Variants in OR2A5 observed in about 807,000 individuals in gnomAD.
OR2A5 encodes olfactory receptor 2A5.
In OR2A5, 2 loss-of-function variants were observed where a neutral mutation model predicts 1.9. The observed-to-expected ratio is 1.04, with a 90% confidence interval of 0.43 to 3.28. OR2A5 has a LOEUF of 3.28. OR2A5 is among the 30% of genes most tolerant of loss of function. OR2A5 has a pLI of 0.08. For missense variants in OR2A5, 391 were observed against 375.9 expected (o/e 1.04, Z -0.33); for synonymous variants, 160 against 154.5 (o/e 1.04, Z -0.26).
At chr7:144,049,502 G>A (rs55979718) in intron 1 of OR2A5, among the ~76,000 whole-genome samples, 36,498 of 152,032 alleles carry the variant, frequency 0.24, 5,434 homozygotes, top group East Asian at 0.67. Context: ...CCTTTCATTC[G>A]TCCATCCATC....
rs2128797674 is a variant in OR2A5 at position 144,054,466 on chromosome 7, C to T, written c.*3129C>T. ...TAAACAACTATAAAACTACAAAATCCAATTTTATTTTAATGATTCATAAAT... is the reference window on the plus strand; with the variant it reads ...TAAACAACTATAAAACTACAAAATCTAATTTTATTTTAATGATTCATAAAT... On this transcript the variant is annotated 3_prime_UTR_variant, in exon 2 of 2. Transcript: ENST00000641693. 6.6e-6 allele frequency: 1 copy of T among 152,198 alleles called. No homozygotes were observed. The highest frequency in any genetic ancestry group is 2.1e-4 in the South Asian group (1 of 4,820). The allele number at this position is 152,198 out of a possible 1,614,324, so 9.4% of individuals were successfully genotyped here.
Position 144,051,020 on chromosome 7 carries a change from C to T in OR2A5, c.619C>T (p.Leu207=), listed in dbSNP as rs773339998. ...CATCTTTGCTGCTTCAGTGTTCATC[C>T]TGGTGGGGCCGCTCTGCCTGGTGCT... The part of the protein sequence containing the change: ...VVIFAASVFI[L]VGPLCLVLVS... Residue 207 remains leucine (L), a synonymous_variant, in exon 2 of 2, where the codon CTG becomes TTG. Coordinates refer to ENST00000641693, the MANE Select transcript of OR2A5 (RefSeq NM_012365.2). 2 of 1,614,236 alleles carry T rather than the reference C, an allele frequency of 1.2e-6. No homozygotes were observed. Among genetic ancestry groups the T allele is most frequent in the Non-Finnish European group, 1.7e-6 (2 of 1,180,040 alleles).
Position 144,051,184 on chromosome 7 carries a change from C to T in OR2A5, c.783C>T (p.Ala261=). The T allele has an allele frequency of 6.2e-7, 1 of 1,614,184 alleles. No homozygotes were observed. The highest frequency in any genetic ancestry group is 1.6e-4 in the Middle Eastern group (1 of 6,062). The change falls in exon 2 of 2, where the codon GCC becomes GCT. Residue 261 remains alanine (A), a synonymous_variant. Transcript: ENST00000641693. Reference sequence around the variant, plus strand: ...GCAGCGCCATTGTCATGTACATGGCCCCCAAGTCCCGCCACCCTGAGGAGC... The same window carrying T: ...GCAGCGCCATTGTCATGTACATGGCTCCCAAGTCCCGCCACCCTGAGGAGC... ...FFGSAIVMYM[A]PKSRHPEEQQ... is the part of the protein sequence containing the mutation.
chr7:144,056,640 A>G lies in OR2A5; in HGVS notation c.*5303A>G, dbSNP rs553406419. 1.3e-5 allele frequency: 2 copies of G among 152,342 alleles called. No individual in the cohort carries two copies. Among genetic ancestry groups the G allele is most frequent in the East Asian group, 3.9e-4 (2 of 5,186 alleles). 9.4% of individuals were successfully genotyped at this position (152,342 alleles called of 1,614,324 possible). A position where few individuals can be genotyped will look rare whatever the true frequency, so the allele number is the denominator to read the frequency against. On this transcript the variant is annotated 3_prime_UTR_variant, in exon 2 of 2. Coordinates refer to ENST00000641693, the MANE Select transcript of OR2A5 (RefSeq NM_012365.2). ...GTTCAGGAATGAACAATTGATAAAT[A>G]TTTATGTTTATGTTTAAATGCATAA...
In OR2A5 at chr7:144,050,996, A is replaced by T. The variant is rs1276086265; in HGVS notation, c.595A>T (p.Ile199Phe). The T allele has an allele frequency of 6.2e-7, 1 of 1,614,170 alleles. No homozygotes were observed. Among genetic ancestry groups the T allele is most frequent in the Non-Finnish European group, 8.5e-7 (1 of 1,180,022 alleles). Residue 199 changes from isoleucine to phenylalanine, a missense_variant, in exon 2 of 2, where the codon ATC (isoleucine) becomes TTC (phenylalanine). Ile to Phe is a conservative substitution (Grantham distance 21). Transcript: ENST00000641693. ...TGACACCTGGCTCAACCAGGTGGTCATCTTTGCTGCTTCAGTGTTCATCCT... is the reference window on the plus strand; with the variant it reads ...TGACACCTGGCTCAACCAGGTGGTCTTCTTTGCTGCTTCAGTGTTCATCCT... The part of the protein sequence containing the change: ...CADTWLNQVV[I>F]FAASVFILVG...
chr7:144,052,968 T>C lies in OR2A5; in HGVS notation c.*1631T>C, dbSNP rs1168934807. 2 of 152,148 alleles carry C rather than the reference T, an allele frequency of 1.3e-5. No individual in the cohort carries two copies. The highest frequency in any genetic ancestry group is 4.8e-5 in the African/African-American group (2 of 41,430). The allele number at this position is 152,148 out of a possible 1,614,324, so 9.4% of individuals were successfully genotyped here. A position where few individuals can be genotyped will look rare whatever the true frequency, so the allele number is the denominator to read the frequency against. On this transcript the variant is annotated 3_prime_UTR_variant, in exon 2 of 2. Coordinates refer to ENST00000641693, the MANE Select transcript of OR2A5 (RefSeq NM_012365.2). ...CATTCCCTAAAATATGTATACTTCATGTTCTGCTTAAAACCTTTAAAAGAA... is the reference window on the plus strand; with the variant it reads ...CATTCCCTAAAATATGTATACTTCACGTTCTGCTTAAAACCTTTAAAAGAA...
chr7:144,055,022 A>G lies in OR2A5; in HGVS notation c.*3685A>G, dbSNP rs2050929089. On this transcript the variant is annotated 3_prime_UTR_variant, in exon 2 of 2. Coordinates refer to ENST00000641693, the MANE Select transcript of OR2A5 (RefSeq NM_012365.2). ...ATACTAATCATATTAGGAAAGAAAT[A>G]TATAGATGAGCAAATAAATGAGTGC... The G allele has an allele frequency of 6.6e-6, 1 of 152,216 alleles. No individual in the cohort carries two copies. The highest frequency in any genetic ancestry group is 2.4e-5 in the African/African-American group (1 of 41,448). 9.4% of individuals were successfully genotyped at this position (152,216 alleles called of 1,614,324 possible). A position where few individuals can be genotyped will look rare whatever the true frequency, so the allele number is the denominator to read the frequency against.
In OR2A5 at chr7:144,055,914, A is replaced by T. The variant is rs759491739; in HGVS notation, c.*4577A>T. 6.5e-6 allele frequency: 1 copy of T among 152,766 alleles called. No homozygotes were observed. The highest frequency in any genetic ancestry group is 1.5e-5 in the Non-Finnish European group (1 of 68,548). The allele number at this position is 152,766 out of a possible 1,614,324, so 9.5% of individuals were successfully genotyped here. A position where few individuals can be genotyped will look rare whatever the true frequency, so the allele number is the denominator to read the frequency against. On this transcript the variant is annotated 3_prime_UTR_variant, in exon 2 of 2. Transcript: ENST00000641693. ...CCCATCTTTGAAAAAACAAACAAAC[A>T]AACAAACAAAAAACCCCACAGAGCA...
rs772798323 is a variant in OR2A5 at position 144,050,876 on chromosome 7, CATGTG to C, written c.476_480del (p.His159ArgfsTer13). 3.1e-6 allele frequency: 5 copies of C among 1,614,144 alleles called. No individual in the cohort carries two copies. Among genetic ancestry groups the C allele is most frequent in the Non-Finnish European group, 4.2e-6 (5 of 1,180,018 alleles). On this transcript the variant is annotated frameshift_variant, in exon 2 of 2. Coordinates refer to ENST00000641693, the MANE Select transcript of OR2A5 (RefSeq NM_012365.2). LOFTEE classifies it high-confidence loss of function. ...ATGTGGTTCCCTTCTGGCCCTGGTC[CATGTG>C]GTTCTCATCCTGAGGCTGCCCTTCT...
rs1019843696 is a variant in OR2A5, at chr7:144,055,222, G to A, written c.*3885G>A. 1 of 151,938 alleles carries A rather than the reference G, an allele frequency of 6.6e-6. No homozygotes were observed. The highest frequency in any genetic ancestry group is 2.4e-5 in the African/African-American group (1 of 41,380). 9.4% of individuals were successfully genotyped at this position (151,938 alleles called of 1,614,324 possible). ...AAAATACCCTAGAATCAAAAAGTAG[G>A]TTTACATAAAAGTGGAATTAACATC... On this transcript the variant is annotated 3_prime_UTR_variant, in exon 2 of 2. Coordinates refer to ENST00000641693, the MANE Select transcript of OR2A5 (RefSeq NM_012365.2).
rs886248049 is a variant in OR2A5, at chr7:144,055,090, C to A, written c.*3753C>A. 1.3e-5 allele frequency: 2 copies of A among 151,758 alleles called. No individual in the cohort carries two copies. The highest frequency in any genetic ancestry group is 4.8e-5 in the African/African-American group (2 of 41,276). The allele number at this position is 151,758 out of a possible 1,614,324, so 9.4% of individuals were successfully genotyped here. ...TTGAAATGACTGTGTTTCCATAGCC[C>A]GGAAAAAAGGAGGAATAAAGCAAAC... On this transcript the variant is annotated 3_prime_UTR_variant, in exon 2 of 2. Transcript: ENST00000641693.
In OR2A5 at chr7:144,058,471, T is replaced by C. The variant is rs2050957779; in HGVS notation, c.*7134T>C. 6.6e-6 allele frequency: 1 copy of C among 152,372 alleles called. No individual in the cohort carries two copies. The highest frequency in any genetic ancestry group is 2.4e-5 in the African/African-American group (1 of 41,450). The allele number at this position is 152,372 out of a possible 1,614,324, so 9.4% of individuals were successfully genotyped here. On this transcript the variant is annotated 3_prime_UTR_variant, in exon 2 of 2. Coordinates refer to ENST00000641693, the MANE Select transcript of OR2A5 (RefSeq NM_012365.2). ...GGGCAATTTATTTTTAAAACAGGGT[T>C]TAGTTGACTCACAGTTCAGCATGGC...
chr7:144,050,270 T>G, intron 1 of OR2A5, 81 bp from the exon 2 acceptor site: 1 of 585,628 alleles, frequency 1.7e-6, no homozygotes, highest in Non-Finnish European at 3.0e-6. Flanking sequence ...AAAACCTTGC[T>G]GACTGAGTCA....
rs1563028254 is a variant in OR2A5, at chr7:144,055,102, G to C, written c.*3765G>C. The C allele has an allele frequency of 6.6e-6, 1 of 152,084 alleles. No homozygotes were observed. The highest frequency in any genetic ancestry group is 6.5e-5 in the Admixed American group (1 of 15,272). 9.4% of individuals were successfully genotyped at this position (152,084 alleles called of 1,614,324 possible). ...TGTTTCCATAGCCCGGAAAAAAGGA[G>C]GAATAAAGCAAACAGGATAATTGTC... On this transcript the variant is annotated 3_prime_UTR_variant, in exon 2 of 2. Transcript: ENST00000641693.
chr7:144,050,194 A>G (rs1214862713), intron 1 of OR2A5, among the ~76,000 whole-genome samples, 157 bp from the exon 2 acceptor site: 2 of 152,198 alleles, frequency 1.3e-5, no homozygotes, highest in East Asian at 3.8e-4. Context: ...CATTTACACT[A>G]GTTCTCTGAA....
chr7:144,050,758 C>G lies in OR2A5; in HGVS notation c.357C>G (p.Ser119=), dbSNP rs939717149. 4 of 1,614,038 alleles carry G rather than the reference C, an allele frequency of 2.5e-6. No individual in the cohort carries two copies. The highest frequency in any genetic ancestry group is 3.4e-6 in the Non-Finnish European group (4 of 1,180,008). ...AGTGTCTCATCTTGGTAATGATGTC[C>G]TACGATCGGTACATGGCTATCTGCC... ...HTECLILVMM[S]YDRYMAICHP... The change falls in exon 2 of 2, where the codon TCC becomes TCG. Residue 119 remains serine (S), a synonymous_variant. Coordinates refer to ENST00000641693, the MANE Select transcript of OR2A5 (RefSeq NM_012365.2).
rs1300389962 is a variant in OR2A5, at chr7:144,051,304, GAA to G, written c.906_907del (p.Arg303SerfsTer19). 6 of 1,611,836 alleles carry G rather than the reference GAA, an allele frequency of 3.7e-6. No individual in the cohort carries two copies. The South Asian group carries it at 6.6e-5, about 18-fold the overall frequency. The part of the protein sequence containing the change: ...LRNAEVKGAL[K>X]RVLWKQRSK ...GGAACGCAGAGGTCAAGGGTGCCCT[GAA>G]AAGAGTGTTGTGGAAACAGAGATCA... is the stretch of plus-strand genomic sequence containing the variant. On this transcript the variant is annotated frameshift_variant, in exon 2 of 2. Coordinates refer to ENST00000641693, the MANE Select transcript of OR2A5 (RefSeq NM_012365.2). LOFTEE classifies it low-confidence loss of function (END_TRUNC).
In OR2A5 at chr7:144,054,043, A is replaced by G. The variant is rs1321428898; in HGVS notation, c.*2706A>G. On this transcript the variant is annotated 3_prime_UTR_variant, in exon 2 of 2. Coordinates refer to ENST00000641693, the MANE Select transcript of OR2A5 (RefSeq NM_012365.2). Reference sequence around the variant, plus strand: ...GTTCTTTACCTTTATGATGTGATTAATGCTTTTCCAGGAAGTGTCCCCATC... The same window carrying G: ...GTTCTTTACCTTTATGATGTGATTAGTGCTTTTCCAGGAAGTGTCCCCATC... 2 of 152,200 alleles carry G rather than the reference A, an allele frequency of 1.3e-5. No individual in the cohort carries two copies. Among genetic ancestry groups the G allele is most frequent in the Non-Finnish European group, 2.9e-5 (2 of 68,064 alleles). 9.4% of individuals were successfully genotyped at this position (152,200 alleles called of 1,614,324 possible). A position where few individuals can be genotyped will look rare whatever the true frequency, so the allele number is the denominator to read the frequency against.
chr7:144,051,606 T>C lies in OR2A5; in HGVS notation c.*269T>C, dbSNP rs2050907821. On this transcript the variant is annotated 3_prime_UTR_variant, in exon 2 of 2. Transcript: ENST00000641693. ...TACCCAGGATCTGCTTTCTGTTCTT[T>C]TGAGGCTTAGTTCTCTCAAGCTTCC... is the stretch of plus-strand genomic sequence containing the variant. 2.5e-6 allele frequency: 1 copy of C among 403,830 alleles called. No individual in the cohort carries two copies. The highest frequency in any genetic ancestry group is 4.4e-5 in the South Asian group (1 of 22,700). The allele number at this position is 403,830 out of a possible 1,614,324, so 25.0% of individuals were successfully genotyped here.
Sources: allele counts gnomAD v4.1 joint callset (sites outside exome capture counted in the v4.1 genomes callset), GRCh38; gene constraint gnomAD v4.1.1; transcripts MANE v1.5; gene names NCBI Gene and HGNC (gene_info 2026-07-23, HGNC 2026-07-21).